The following KLRF1 variants were observed in gnomAD, a reference collection of about 807,000 sequenced individuals.
KLRF1 encodes killer cell lectin-like receptor subfamily F member 1.
A neutral mutation model predicts 30.7 loss-of-function variants in KLRF1; 27 were observed. The ratio of observed to expected loss-of-function variants is 0.88; its 90% CI spans 0.65 to 1.21. The LOEUF is 1.21. KLRF1 is among the 50% of genes most tolerant of loss of function. The pLI, the probability that KLRF1 is intolerant of heterozygous loss-of-function variation, is 0.00. For missense variants in KLRF1, 246 were observed against 259.3 expected, an observed-to-expected ratio of 0.95 and a Z score of 0.35; for synonymous variants, 92 against 89.3, an observed-to-expected ratio of 1.03 and a Z score of -0.17.
upstream of KLRF1, among the ~76,000 whole-genome samples, chr12:9,825,880 G>A (rs142693894): frequency 5.2e-3 from 790 of 151,930 alleles, 5 homozygotes; most frequent in African/African-American, 0.018. Context: ...GATACTTTTC[G>A]TGTTTTATTT....
intron 3 of KLRF1, among the ~76,000 whole-genome samples, chr12:9,839,989 T>C (rs1369456591): frequency 6.6e-6 from 1 of 152,118 alleles, no homozygotes; most frequent in East Asian, 1.9e-4. Context: ...ATGCACTACA[T>C]ACATGTTATG....
At chr12:9,802,449 C>G in the KLRF1 span, among the ~76,000 whole-genome samples, 1 of 151,990 alleles carries the variant, frequency 6.6e-6, no homozygotes, top group African/African-American at 2.4e-5. Flanking sequence ...TCCTCTCTCA[C>G]CACTCCTATT....
chr12:9,807,062 A>AT, the KLRF1 span, among the ~76,000 whole-genome samples: 1 of 151,970 alleles, frequency 6.6e-6, no homozygotes, highest in African/African-American at 2.4e-5. Flanking sequence ...TTCTTTAAAG[A>AT]TTTTTTTAGT....
chr12:9,808,721 AG>A, the KLRF1 span, among the ~76,000 whole-genome samples: 1 of 152,150 alleles, frequency 6.6e-6, no homozygotes, highest in African/African-American at 2.4e-5. Context: ...TAGTTAGCTA[AG>A]TCTTAGTAAA....
At chr12:9,819,986 GC>G in the KLRF1 span, among the ~76,000 whole-genome samples, 1 of 152,032 alleles carries the variant, frequency 6.6e-6, no homozygotes, top group Admixed American at 6.6e-5. Flanking sequence ...TCACTTTTGG[GC>G]GTTGGAGAGT....
rs771162347 is a variant in KLRF1, at chr12:9,844,507, A to G, written c.677A>G (p.Lys226Arg). The change falls in exon 6 of 6, where the codon AAA (lysine) becomes AGA (arginine). Residue 226 changes from lysine to arginine, a missense_variant. Lys to Arg is a conservative substitution (Grantham distance 26). Transcript: ENST00000617889. ...IFSETCSSVF[K>R]WICQY Reference sequence around the variant, plus strand: ...TCTGAAACCTGCAGCAGTGTTTTCAAATGGATTTGTCAGTATTAGAGTTTG... The same window carrying G: ...TCTGAAACCTGCAGCAGTGTTTTCAGATGGATTTGTCAGTATTAGAGTTTG... The G allele has an allele frequency of 3.1e-6, 5 of 1,599,504 alleles. No homozygotes were observed. The African/African-American group carries it at 6.7e-5, about 21-fold the overall frequency.
chr12:9,811,754 C>T, the KLRF1 span, among the ~76,000 whole-genome samples: 3 of 152,178 alleles, frequency 2.0e-5, no homozygotes, highest in African/African-American at 4.8e-5. Context: ...AAAGTTCACT[C>T]TCTGAAGAAG....
At chr12:9,822,035 T>C in the KLRF1 span, among the ~76,000 whole-genome samples, 2 of 152,206 alleles carry the variant, frequency 1.3e-5, no homozygotes, top group African/African-American at 4.8e-5. Flanking sequence ...ATCTACATCA[T>C]GGCTAAAGAA....
In KLRF1 at chr12:9,836,782, T is replaced by C. The variant is rs1292268712; in HGVS notation, c.334+3330T>C. Among the ~76,000 whole-genome samples the C allele has an allele frequency of 5.9e-5, 9 of 152,266 alleles. No homozygotes were observed. In the South Asian group the frequency reaches 1.7e-3, roughly 28 times the overall value. On this transcript the variant is annotated intron_variant, in intron 3 of 5. Coordinates refer to ENST00000617889, the MANE Select transcript of KLRF1 (RefSeq NM_016523.3). The stretch of plus-strand genomic sequence containing the variant: ...TAGATATTGTAGCTTTACCTCATAT[T>C]TTATTGTCTCCCTATCTGTAATGTC...
At chr12:9,813,272 C>A in the KLRF1 span, among the ~76,000 whole-genome samples, 1 of 151,818 alleles carries the variant, frequency 6.6e-6, no homozygotes, top group Non-Finnish European at 1.5e-5. Flanking sequence ...TAAATCTAAC[C>A]AAAAATTCCT....
At chr12:9,827,757 C>T (rs1867313481) in intron 1 of KLRF1, 128 bp downstream of exon 1, 1 of 498,018 alleles carries the variant, frequency 2.0e-6, no homozygotes, top group Non-Finnish European at 3.6e-6. Flanking sequence ...CTGTATCTCT[C>T]TCACCTGTCC....
chr12:9,833,126 T>C (rs1249827451), intron 2 of KLRF1, among the ~76,000 whole-genome samples, 177 bp from the exon 3 acceptor site: 1 of 152,204 alleles, frequency 6.6e-6, no homozygotes, highest in Non-Finnish European at 1.5e-5. Flanking sequence ...TATAAATGAA[T>C]TGATTGTATA....
Position 9,844,401 on chromosome 12 carries a change from T to C in KLRF1, c.588-17T>C. 7.5e-7 allele frequency: 1 copy of C among 1,324,784 alleles called. No individual in the cohort carries two copies. Among genetic ancestry groups the C allele is most frequent in the Non-Finnish European group, 1.1e-6 (1 of 918,880 alleles). 82.1% of individuals were successfully genotyped at this position (1,324,784 alleles called of 1,614,324 possible). A position where few individuals can be genotyped will look rare whatever the true frequency, so the allele number is the denominator to read the frequency against. ...CAGCTACAGTGATTAACAAAGTATT[T>C]ATTCTCTCTTCCCTAGATTCTTCAT... On this transcript the variant is annotated splice_polypyrimidine_tract_variant and intron_variant, in intron 5 of 5. Transcript: ENST00000617889.
chr12:9,841,682 C>G, intron 3 of KLRF1, 130 bp from the exon 4 acceptor site: 1 of 622,162 alleles, frequency 1.6e-6, no homozygotes. Context: ...TGTGTCTGGA[C>G]AATTTGCTAT....
chr12:9,817,247 C>T, the KLRF1 span: 1 of 178,220 alleles, frequency 5.6e-6, no homozygotes, highest in Non-Finnish European at 1.2e-5. Context: ...CTTAATTTCA[C>T]AAAAACAAAC....
At chr12:9,814,723 C>T in the KLRF1 span, among the ~76,000 whole-genome samples, 7 of 152,222 alleles carry the variant, frequency 4.6e-5, no homozygotes, top group African/African-American at 1.7e-4. Context: ...TTTCCACCAC[C>T]GCTGACATCT....
At chr12:9,843,817 C>A (rs1186896352) in intron 5 of KLRF1, among the ~76,000 whole-genome samples, 1 of 151,984 alleles carries the variant, frequency 6.6e-6, no homozygotes, top group Non-Finnish European at 1.5e-5. Context: ...TCATGTGCAC[C>A]TTTTCCAAGA....
In KLRF1 at chr12:9,837,887, A is replaced by G. The variant is rs142238301; in HGVS notation, c.335-3925A>G. Reference sequence around the variant, plus strand: ...AATAACACCTCACCTGACTTGAATCAAAATTACTACTGATAGCAAGGCCAC... The same window carrying G: ...AATAACACCTCACCTGACTTGAATCGAAATTACTACTGATAGCAAGGCCAC... On this transcript the variant is annotated intron_variant, in intron 3 of 5. Coordinates refer to ENST00000617889, the MANE Select transcript of KLRF1 (RefSeq NM_016523.3). Among the ~76,000 whole-genome samples, 107 of 152,274 alleles carry G rather than the reference A, an allele frequency of 7.0e-4. 1 individual carries two copies. The highest frequency in any genetic ancestry group is 1.0e-3 in the Non-Finnish European group (69 of 68,010).
At position 9,838,228 on chromosome 12, in the gene KLRF1, A is replaced by G. The variant is rs190626865; in HGVS notation, c.335-3584A>G. 4.2e-4 allele frequency among the ~76,000 whole-genome samples: 64 copies of G among 152,206 alleles called. 1 individual carries two copies. Among genetic ancestry groups the G allele is most frequent in the African/African-American group, 1.4e-3 (60 of 41,556 alleles). ...TAGTAGACATCCACTCTTTTACCATATTAATTGAGGTTGAGTCTTCAAAAA... is the reference window on the plus strand; with the variant it reads ...TAGTAGACATCCACTCTTTTACCATGTTAATTGAGGTTGAGTCTTCAAAAA... On this transcript the variant is annotated intron_variant, in intron 3 of 5. Transcript: ENST00000617889.
Sources: gnomAD v4.1 joint callset for allele counts (sites outside exome capture counted in the v4.1 genomes callset) on GRCh38, gnomAD v4.1.1 for gene constraint, MANE v1.5 for transcripts, NCBI Gene and HGNC (gene_info 2026-07-23, HGNC 2026-07-21) for gene names.